The following UNC93A variants were observed in gnomAD, a reference collection of about 807,000 sequenced individuals.
UNC93A encodes the protein N-acetylglucosamine transporter UNC93A.
A neutral mutation model predicts 47.5 loss-of-function variants in UNC93A; 43 were observed. The ratio of observed to expected loss-of-function variants is 0.91; its 90% CI spans 0.71 to 1.17. The LOEUF (loss-of-function observed/expected upper bound fraction) is 1.17. Ranked by LOEUF, UNC93A falls within the 50% of genes most tolerant of loss-of-function variation. The pLI is 0.00. For synonymous variants in UNC93A, 280 were observed against 258.0 expected (o/e 1.09, Z -0.82); for missense variants, 605 against 577.6 (o/e 1.05, Z -0.49).
upstream of UNC93A, among the ~76,000 whole-genome samples, chr6:167,287,844 C>T (rs898192362): frequency 6.6e-6 from 1 of 152,148 alleles, no homozygotes; most frequent in Non-Finnish European, 1.5e-5. Flanking sequence ...TCTCCGCACT[C>T]GGGCTCACCT....
At chr6:167,312,989 C>T (rs1040809736) in intron 7 of UNC93A, among the ~76,000 whole-genome samples, 1 of 152,180 alleles carries the variant, frequency 6.6e-6, no homozygotes, top group Non-Finnish European at 1.5e-5. Flanking sequence ...CTGATTCTTC[C>T]TCCGTGTTTC....
chr6:167,297,324 T>C lies in UNC93A; in HGVS notation c.500-621T>C, dbSNP rs908413294. 2.5e-4 allele frequency among the ~76,000 whole-genome samples: 38 copies of C among 152,252 alleles called. 1 individual carries two copies. Among genetic ancestry groups the C allele is most frequent in the African/African-American group, 8.9e-4 (37 of 41,524 alleles). On this transcript the variant is annotated intron_variant, in intron 3 of 7. Coordinates refer to ENST00000230256, the MANE Select transcript of UNC93A (RefSeq NM_018974.4). ...CTGCACATCTCACCCACCTAGAAGATTTTGTGAAGCTGTCTGTTATATAAT... is the reference window on the plus strand; with the variant it reads ...CTGCACATCTCACCCACCTAGAAGACTTTGTGAAGCTGTCTGTTATATAAT...
intron 1 of UNC93A, among the ~76,000 whole-genome samples, chr6:167,277,182 A>G (rs1783557904): frequency 6.6e-6 from 1 of 152,198 alleles, no homozygotes; most frequent in Non-Finnish European, 1.5e-5. Context: ...CACCAGTGAC[A>G]TGGAGTCTGG....
intron 1 of UNC93A, among the ~76,000 whole-genome samples, chr6:167,282,442 G>T (rs1583062960): frequency 6.6e-6 from 1 of 152,192 alleles, no homozygotes; most frequent in South Asian, 2.1e-4. Flanking sequence ...AGAAAAAGGT[G>T]GGGGGAGATT....
chr6:167,301,345 G>T (rs115812409), intron 4 of UNC93A, among the ~76,000 whole-genome samples: 4 of 152,154 alleles, frequency 2.6e-5, no homozygotes, highest in East Asian at 1.9e-4. Flanking sequence ...TGAAGAAGTG[G>T]TCTTACTATT....
In UNC93A at chr6:167,303,907, A is replaced by G. The variant is rs186438319; in HGVS notation, c.626-12A>G. 13 of 1,613,728 alleles carry G rather than the reference A, an allele frequency of 8.1e-6. No individual in the cohort carries two copies. In the Admixed American group the frequency reaches 1.0e-4, roughly 12 times the overall value. On this transcript the variant is annotated splice_polypyrimidine_tract_variant and intron_variant, in intron 4 of 7. Transcript: ENST00000230256. ...CCCCATGAAAGCTGAAGCCTTTGCTATGTCCTTTCAGGGAGTGGTGTCCTG... is the reference window on the plus strand; with the variant it reads ...CCCCATGAAAGCTGAAGCCTTTGCTGTGTCCTTTCAGGGAGTGGTGTCCTG...
intron 4 of UNC93A, 88 bp from the exon 5 acceptor site, chr6:167,303,831 A>G: frequency 3.1e-6 from 4 of 1,289,822 alleles, no homozygotes; most frequent in Non-Finnish European, 3.3e-6. Context: ...CCCTCGCGAG[A>G]GGAGGATGAG....
upstream of UNC93A, chr6:167,291,186 G>A (rs774896443): frequency 4.8e-5 from 11 of 230,342 alleles, no homozygotes; most frequent in Middle Eastern, 1.3e-3. Context: ...GGAAAAAAGC[G>A]CAATTAACTA....
In UNC93A at chr6:167,294,729, C is replaced by A. The variant is rs779857191; in HGVS notation, c.269+31C>A. On this transcript the variant is annotated intron_variant, in intron 2 of 7. Transcript: ENST00000230256. ...CAGCCACCACCCCCTGCCCACCCCA[C>A]CCCGGCCGTTCCCCACGCTAGGGAC... 1.5e-5 allele frequency: 24 copies of A among 1,559,226 alleles called. No individual in the cohort carries two copies. In the South Asian group the frequency reaches 1.8e-4, roughly 12 times the overall value.
upstream of UNC93A, among the ~76,000 whole-genome samples, chr6:167,289,419 A>T (rs929106329): frequency 2.6e-5 from 4 of 152,188 alleles, no homozygotes; most frequent in African/African-American, 9.7e-5. Context: ...AATCCCTTTT[A>T]ACATAGATAA....
At chr6:167,311,870 A>C (rs145399466) in intron 7 of UNC93A, among the ~76,000 whole-genome samples, 2 of 152,062 alleles carry the variant, frequency 1.3e-5, no homozygotes, top group Non-Finnish European at 2.9e-5. Context: ...GCTTCCCCAA[A>C]TGCTGAGCAT....
In UNC93A at chr6:167,304,036, C is replaced by T. The variant is rs768223896; in HGVS notation, c.743C>T (p.Thr248Ile). 45 of 1,613,906 alleles carry T rather than the reference C, an allele frequency of 2.8e-5. No homozygotes were observed. Among genetic ancestry groups the T allele is most frequent in the Non-Finnish European group, 2.8e-5 (33 of 1,180,020 alleles). Residue 248 changes from threonine to isoleucine, a missense_variant, in exon 5 of 8, where the codon ACT becomes ATT. Transcript: ENST00000230256. The part of the protein sequence containing the change: ...SVPFWSTLLS[T>I]FKLYRDKRLC... ...CCTTTCTGGTCCACTTTACTGTCGACTTTCAAGCTATATAGAGATAAACGT... is the reference window on the plus strand; with the variant it reads ...CCTTTCTGGTCCACTTTACTGTCGATTTTCAAGCTATATAGAGATAAACGT...
At chr6:167,300,904 C>G (rs1479483276) in intron 4 of UNC93A, among the ~76,000 whole-genome samples, 1 of 152,208 alleles carries the variant, frequency 6.6e-6, no homozygotes, top group African/African-American at 2.4e-5. Flanking sequence ...GGGGCTGCAG[C>G]CTTCCTCTGT....
rs994731759 is a variant in UNC93A, at chr6:167,315,690, T to A, written c.*238T>A. ...AGGTATCAGTTCATTTAATTTTAGA[T>A]GCAAAAGAAAAAGGTCTAACGTACA... On this transcript the variant is annotated 3_prime_UTR_variant, in exon 8 of 8. Transcript: ENST00000230256. 6.4e-6 allele frequency: 3 copies of A among 467,810 alleles called. No individual in the cohort carries two copies. Among genetic ancestry groups the A allele is most frequent in the African/African-American group, 2.1e-5 (1 of 47,432 alleles). The allele number at this position is 467,810 out of a possible 1,614,324, so 29.0% of individuals were successfully genotyped here.
chr6:167,287,735 GTGCA>G (rs1783765042), upstream of UNC93A, among the ~76,000 whole-genome samples: 2 of 150,562 alleles, frequency 1.3e-5, no homozygotes, highest in East Asian at 3.9e-4. Context: ...GCATGCGTGT[GTGCA>G]TGCGTGTGTG....
In UNC93A at chr6:167,311,965, C is replaced by T. The variant is rs1333218374; in HGVS notation, c.1109-3222C>T. Among the ~76,000 whole-genome samples, 9 of 142,366 alleles carry T rather than the reference C, an allele frequency of 6.3e-5. No homozygotes were observed. In the South Asian group the frequency reaches 2.1e-3, roughly 34 times the overall value. The allele number at this position is 142,366 out of a possible 152,430, so 93.4% of individuals were successfully genotyped here. On this transcript the variant is annotated intron_variant, in intron 7 of 7. Transcript: ENST00000230256. The stretch of plus-strand genomic sequence containing the variant: ...TGGGGGGACAGCCTTTATTTGGGTT[C>T]CTCCAGGCTTCCCACGAGGGTTCTT...
At chr6:167,294,835 A>AC in intron 2 of UNC93A, 137 bp downstream of exon 2, 1 of 934,964 alleles carries the variant, frequency 1.1e-6, no homozygotes, top group East Asian at 2.8e-5. Flanking sequence ...CTGCCCCTGC[A>AC]CCCCCGCCTC....
At chr6:167,294,434 C>A in intron 1 of UNC93A, 83 bp from the exon 2 acceptor site, 5 of 1,524,460 alleles carry the variant, frequency 3.3e-6, no homozygotes, top group South Asian at 1.2e-5. Flanking sequence ...CGGCCTCCAG[C>A]CTGGGGGACA....
At chr6:167,284,322 A>ACTGT (rs376787206) in intron 1 of UNC93A, among the ~76,000 whole-genome samples, 10 of 151,626 alleles carry the variant, frequency 6.6e-5, no homozygotes, top group Non-Finnish European at 1.2e-4. Flanking sequence ...GCTTCTAGAG[A>ACTGT]CTGGCCCAGT....
Sources: allele counts gnomAD v4.1 joint callset (sites outside exome capture counted in the v4.1 genomes callset), GRCh38; gene constraint gnomAD v4.1.1; transcripts MANE v1.5; gene names NCBI Gene and HGNC (gene_info 2026-07-23, HGNC 2026-07-21).